MREG: variants seen among roughly 807,000 people sequenced by gnomAD.
MREG encodes dilute suppressor protein homolog.
Under a neutral mutation model 28.5 loss-of-function variants are expected in MREG, and 31 were observed. The ratio of observed to expected loss-of-function variants is 1.09; its 90% CI spans 0.82 to 1.47. MREG has a LOEUF of 1.47. MREG is among the 40% of genes most tolerant of loss of function. The pLI is 0.00. For synonymous variants in MREG, 106 were observed against 95.2 expected (o/e 1.11, Z -0.66); for missense variants, 256 against 257.4 (o/e 0.99, Z 0.04).
intron 2 of MREG, among the ~76,000 whole-genome samples, chr2:215,961,590 T>C (rs567956146): frequency 6.6e-6 from 1 of 152,170 alleles, no homozygotes; most frequent in South Asian, 2.1e-4. Flanking sequence ...CATGCCCGTC[T>C]AATTTTTGTA....
upstream of MREG, among the ~76,000 whole-genome samples, chr2:216,016,761 C>T (rs2105928604): frequency 6.6e-6 from 1 of 152,224 alleles, no homozygotes; most frequent in East Asian, 1.9e-4. Context: ...ACATTTGTAC[C>T]TCTGCAATAT....
intron 2 of MREG, among the ~76,000 whole-genome samples, chr2:215,949,560 C>T (rs78735505): frequency 9.2e-6 from 1 of 108,364 alleles, no homozygotes; most frequent in Non-Finnish European, 1.9e-5. Flanking sequence ...GACTCTGTCT[C>T]AAAAAAAAAA....
intron 2 of MREG, among the ~76,000 whole-genome samples, chr2:215,961,619 G>T (rs1243894566): frequency 6.6e-6 from 1 of 152,030 alleles, no homozygotes; most frequent in Non-Finnish European, 1.5e-5. Context: ...TAGAGATGGG[G>T]TTTCATCACG....
chr2:215,981,051 C>T (rs1006799449), intron 2 of MREG, among the ~76,000 whole-genome samples: 2 of 151,878 alleles, frequency 1.3e-5, no homozygotes, highest in African/African-American at 4.8e-5. Context: ...GAAACAGTAC[C>T]GCAGTTCCTT....
chr2:215,991,966 T>C (rs1006506168), intron 2 of MREG, among the ~76,000 whole-genome samples: 2 of 151,946 alleles, frequency 1.3e-5, no homozygotes, highest in Non-Finnish European at 2.9e-5. Flanking sequence ...CTACCAGAGG[T>C]ACAAAGAGGA....
intron 2 of MREG, among the ~76,000 whole-genome samples, chr2:215,958,372 C>G (rs1346160614): frequency 1.3e-5 from 2 of 152,212 alleles, no homozygotes; most frequent in Non-Finnish European, 2.9e-5. Flanking sequence ...GTTTCACTCA[C>G]TCACATGATG....
chr2:216,000,410 T>A (rs1693986762), intron 1 of MREG, among the ~76,000 whole-genome samples: 1 of 152,152 alleles, frequency 6.6e-6, no homozygotes, highest in Non-Finnish European at 1.5e-5. Flanking sequence ...CAGGTTCCCC[T>A]GTGGCTTGTC....
In MREG at chr2:215,964,858, G is replaced by GATAA. The variant is rs1216407536; in HGVS notation, c.256-17746_256-17745insTTAT. On this transcript the variant is annotated intron_variant, in intron 2 of 4. Coordinates refer to ENST00000263268, the MANE Select transcript of MREG (RefSeq NM_018000.3). ...AGACAGACAGATAGATAGATAGATA[G>GATAA]ATAGATAGATAGATAGATAGATAGA... 4.3e-3 allele frequency among the ~76,000 whole-genome samples: 555 copies of GATAA among 128,246 alleles called. 3 individuals carry two copies. The highest frequency in any genetic ancestry group is 0.015 in the African/African-American group (485 of 32,668). 84.1% of individuals were successfully genotyped at this position (128,246 alleles called of 152,430 possible).
At chr2:215,969,999 T>A (rs1693045044) in intron 2 of MREG, among the ~76,000 whole-genome samples, 2 of 152,178 alleles carry the variant, frequency 1.3e-5, no homozygotes, top group African/African-American at 4.8e-5. Context: ...TGGCCTACAT[T>A]TTTTATTTTA....
chr2:216,026,353 G>GTTTA lies in MREG; in HGVS notation c.-68+6432_-68+6435dup, dbSNP rs530129897. Among the ~76,000 whole-genome samples, 1,049 of 148,482 alleles carry GTTTA rather than the reference G, an allele frequency of 7.1e-3. 8 individuals carry two copies. The highest frequency in any genetic ancestry group is 0.023 in the African/African-American group (911 of 39,388). ...ATTTTAAAATGGTTACTTCCATTGTGTTTATTTATTTATTTATTTATTTAT... is the reference window on the plus strand; with the variant it reads ...ATTTTAAAATGGTTACTTCCATTGTGTTTATTTATTTATTTATTTATTTATTTAT... On this transcript the variant is annotated intron_variant, in intron 1 of 3. Coordinates refer to the MREG transcript ENST00000420348.
rs774254005 is a variant in MREG, at chr2:216,023,675, AGTGT to A, written c.-68+9110_-68+9113del. Among the ~76,000 whole-genome samples, 2 of 151,788 alleles carry A rather than the reference AGTGT, an allele frequency of 1.3e-5. 1 individual carries two copies. Among genetic ancestry groups the A allele is most frequent in the South Asian group, 4.2e-4 (2 of 4,802 alleles). ...CTTGTTTTTACATTTTATTTCTCTG[AGTGT>A]GTGTGTGTGTTAGAGTCTCACTCTG... On this transcript the variant is annotated intron_variant, in intron 1 of 3. Coordinates refer to the MREG transcript ENST00000420348.
At chr2:215,979,281 T>C (rs1693346134) in intron 2 of MREG, among the ~76,000 whole-genome samples, 1 of 151,850 alleles carries the variant, frequency 6.6e-6, no homozygotes, top group African/African-American at 2.4e-5. Flanking sequence ...CTGACCAACA[T>C]GGAGAAACCC....
At position 215,948,465 on chromosome 2, in the gene MREG, A is replaced by G. The variant is rs183064662; in HGVS notation, c.256-1352T>C. On this transcript the variant is annotated intron_variant, in intron 2 of 4. Coordinates refer to ENST00000263268, the MANE Select transcript of MREG (RefSeq NM_018000.3). Reference sequence around the variant, plus strand: ...CATGGTGATTGGGGTCAGGGACAAAATCTGTGACCTTGGAAGAGGGCAAAG... The same window carrying G: ...CATGGTGATTGGGGTCAGGGACAAAGTCTGTGACCTTGGAAGAGGGCAAAG... 3.3e-4 allele frequency among the ~76,000 whole-genome samples: 51 copies of G among 152,364 alleles called. 1 individual carries two copies. The highest frequency in any genetic ancestry group is 6.8e-3 in the Middle Eastern group (2 of 294).
At chr2:215,978,797 A>G (rs1317156973) in intron 2 of MREG, among the ~76,000 whole-genome samples, 3 of 152,204 alleles carry the variant, frequency 2.0e-5, no homozygotes, top group African/African-American at 7.2e-5. Context: ...TGATTATCTC[A>G]ACAGATGCAG....
rs1456608207 is a variant in MREG at position 215,942,953 on chromosome 2, C to G, written c.*1910G>C. 6.5e-6 allele frequency: 1 copy of G among 152,710 alleles called. No individual in the cohort carries two copies. Among genetic ancestry groups the G allele is most frequent in the Non-Finnish European group, 1.5e-5 (1 of 68,106 alleles). The allele number at this position is 152,710 out of a possible 1,614,324, so 9.5% of individuals were successfully genotyped here. A position where few individuals can be genotyped will look rare whatever the true frequency, so the allele number is the denominator to read the frequency against. On this transcript the variant is annotated 3_prime_UTR_variant, in exon 5 of 5. Coordinates refer to ENST00000263268, the MANE Select transcript of MREG (RefSeq NM_018000.3). ...TATAAAAAATAAAACTTTTAGCTTGCTTATTAAACTAGGAAGAATTTTCCT... is the reference window on the plus strand; with the variant it reads ...TATAAAAAATAAAACTTTTAGCTTGGTTATTAAACTAGGAAGAATTTTCCT...
intron 2 of MREG, among the ~76,000 whole-genome samples, chr2:215,967,911 A>G (rs1049792825): frequency 6.6e-6 from 1 of 152,200 alleles, no homozygotes; most frequent in Non-Finnish European, 1.5e-5. Context: ...AATGCCCACA[A>G]CTTCCACTTC....
intron 1 of MREG, among the ~76,000 whole-genome samples, chr2:216,006,426 T>C (rs879906792): frequency 6.6e-6 from 1 of 152,224 alleles, no homozygotes; most frequent in Admixed American, 6.5e-5. Context: ...AGCCTTGCAA[T>C]GGGAATCTTC....
At chr2:215,959,256 G>A (rs778555658) in intron 2 of MREG, among the ~76,000 whole-genome samples, 2 of 152,018 alleles carry the variant, frequency 1.3e-5, no homozygotes, top group Non-Finnish European at 1.5e-5. Flanking sequence ...TCAAGCCTTG[G>A]CTCCAGGTCT....
intron 2 of MREG, among the ~76,000 whole-genome samples, chr2:215,949,555 T>C (rs989068252): frequency 3.4e-5 from 5 of 148,742 alleles, no homozygotes; most frequent in African/African-American, 7.5e-5. Flanking sequence ...AGCAAGACTC[T>C]GTCTCAAAAA....
Sources: allele counts gnomAD v4.1 joint callset (sites outside exome capture counted in the v4.1 genomes callset), GRCh38; gene constraint gnomAD v4.1.1; transcripts MANE v1.5; gene names NCBI Gene and HGNC (gene_info 2026-07-23, HGNC 2026-07-21).